The following NOX5 variants were observed in gnomAD, a reference collection of about 807,000 sequenced individuals.
NOX5 encodes the protein NADPH oxidase 5, also known as NADPH oxidase, EF-hand calcium binding domain 5.
A neutral mutation model predicts 85.7 loss-of-function variants in NOX5; 76 were observed. That is an observed-to-expected ratio of 0.89 (90% CI 0.74 to 1.07). The LOEUF is 1.07. Among genes scored for constraint, NOX5 ranks in the 50% least tolerant of loss-of-function variants. The probability of loss-of-function intolerance (pLI) is 0.00; values close to 1 mark genes in which losing one functional copy is unlikely to be tolerated. For missense variants in NOX5, 973 were observed against 999.5 expected (o/e 0.97, Z 0.36); for synonymous variants, 405 against 401.4 (o/e 1.01, Z -0.11).
rs759611687 is a variant in NOX5, at chr15:69,026,584, A to AGACC, written c.108_111dup (p.Ile38AspfsTer34). 2 of 1,614,212 alleles carry AGACC rather than the reference A, an allele frequency of 1.2e-6. No individual in the cohort carries two copies. The highest frequency in any genetic ancestry group is 1.7e-6 in the Non-Finnish European group (2 of 1,180,018). On this transcript the variant is annotated frameshift_variant, in exon 2 of 16. Coordinates refer to ENST00000388866, the MANE Select transcript of NOX5 (RefSeq NM_024505.4). LOFTEE classifies it high-confidence loss of function. ...CTCCGGTGGGTGACTCAGCAGTTTA[A>AGACC]GACCATTGCAGGAGAAGATGGGGAG...
chr15:69,047,736 AC>A, intron 12 of NOX5, 93 bp from the exon 13 acceptor site: 1 of 1,414,692 alleles, frequency 7.1e-7, no homozygotes, highest in Non-Finnish European at 9.8e-7. Flanking sequence ...GGGCTCTGCC[AC>A]CCCATCCTTG....
At position 69,042,744 on chromosome 15, in the gene NOX5, G is replaced by A. The variant is rs774373542; in HGVS notation, c.1586G>A (p.Gly529Asp). The change falls in exon 10 of 16, where the codon GGC becomes GAC. Residue 529 changes from glycine (G) to aspartate (D), a missense_variant. By Grantham distance (94) the Gly-to-Asp change is moderately conservative. Coordinates refer to ENST00000388866, the MANE Select transcript of NOX5 (RefSeq NM_024505.4). ...TCCTTCAAGGCATCAGACCCACTGG[G>A]CCGTGGTTCTAAGAGGCTGTCGAGG... Reference protein sequence around the residue: ...YESFKASDPLGRGSKRLSRSV... With the variant: ...YESFKASDPLDRGSKRLSRSV... 1.2e-5 allele frequency: 19 copies of A among 1,614,154 alleles called. No homozygotes were observed. In the South Asian group the frequency reaches 1.6e-4, roughly 14 times the overall value.
chr15:69,042,829 G>A, intron 10 of NOX5, 24 bp downstream of exon 10: 2 of 1,606,910 alleles, frequency 1.2e-6, no homozygotes, highest in Non-Finnish European at 8.5e-7. Context: ...GGAGGGAAGG[G>A]GTCCACTCTG....
In NOX5 at chr15:69,060,657, A is replaced by G. The variant is rs1425073845; in HGVS notation, c.*3961A>G. On this transcript the variant is annotated 3_prime_UTR_variant, in exon 16 of 16. Coordinates refer to ENST00000388866, the MANE Select transcript of NOX5 (RefSeq NM_024505.4). ...AAGTTTAAGTTTTTATTAATATTAT[A>G]GTTTTATTTTAAAAAGAAACCCCAA... The G allele has an allele frequency of 1.3e-5, 2 of 152,216 alleles. No homozygotes were observed. 9.4% of individuals were successfully genotyped at this position (152,216 alleles called of 1,614,324 possible). A position where few individuals can be genotyped will look rare whatever the true frequency, so the allele number is the denominator to read the frequency against.
chr15:69,041,854 A>T (rs2050597992), intron 9 of NOX5, among the ~76,000 whole-genome samples: 1 of 151,606 alleles, frequency 6.6e-6, no homozygotes, highest in Non-Finnish European at 1.5e-5. Flanking sequence ...ACATGATGAG[A>T]TTTTTTTGTT....
intron 1 of NOX5, among the ~76,000 whole-genome samples, chr15:69,017,036 A>G (rs529852261): frequency 6.6e-6 from 1 of 152,184 alleles, no homozygotes; most frequent in South Asian, 2.1e-4. Context: ...GATGAGAAAC[A>G]TTTATACTCT....
rs1384448357 is a variant in NOX5 at position 69,033,183 on chromosome 15, G to T, written c.761G>T (p.Gly254Val). 1.9e-6 allele frequency: 3 copies of T among 1,590,726 alleles called. No individual in the cohort carries two copies. The highest frequency in any genetic ancestry group is 1.3e-5 in the African/African-American group (1 of 74,698). Residue 254 changes from glycine to valine, a missense_variant, in exon 5 of 16, where the codon GGG (glycine) becomes GTG (valine). Physicochemically the swap from Gly to Val is moderately radical, Grantham distance 109 (BLOSUM62 -3). Transcript: ENST00000388866. ...TYAGLHVLLF[G>V]LAASAHRDLG... Reference sequence around the variant, plus strand: ...GCAGGCCTCCACGTGCTGCTCTTCGGGCTGGCGGCCAGCGCGCACCGGGAC... The same window carrying T: ...GCAGGCCTCCACGTGCTGCTCTTCGTGCTGGCGGCCAGCGCGCACCGGGAC...
intron 12 of NOX5, 32 bp downstream of exon 12, chr15:69,047,569 T>C: frequency 3.1e-6 from 5 of 1,602,512 alleles, no homozygotes; most frequent in Non-Finnish European, 3.4e-6. Context: ...GCCTGCATCC[T>C]GGGTCAGAGC....
intron 9 of NOX5, among the ~76,000 whole-genome samples, chr15:69,040,968 G>A (rs914412916): frequency 2.0e-5 from 3 of 152,200 alleles, no homozygotes; most frequent in South Asian, 2.1e-4. Context: ...ACAGGCATAA[G>A]CCACTGTGCC....
At position 69,035,516 on chromosome 15, in the gene NOX5, T is replaced by C. The variant is rs532609156; in HGVS notation, c.1009+9T>C. On this transcript the variant is annotated intron_variant, in intron 6 of 15. Transcript: ENST00000388866. ...TCACACTGTGAACTTTGGTGAGTGATCTGGGGCAGGGTTGGGTCGGGGAGA... is the reference window on the plus strand; with the variant it reads ...TCACACTGTGAACTTTGGTGAGTGACCTGGGGCAGGGTTGGGTCGGGGAGA... The C allele has an allele frequency of 1.2e-5, 19 of 1,613,964 alleles. No homozygotes were observed. The Admixed American group carries it at 3.0e-4, about 25-fold the overall frequency.
At chr15:69,022,518 A>G (rs2050307403) in intron 1 of NOX5, 1 of 170,312 alleles carries the variant, frequency 5.9e-6, no homozygotes, top group Admixed American at 5.9e-5. Flanking sequence ...ACCCACATGT[A>G]TTATCTGGAG....
chr15:69,015,726 T>C (rs762324762), intron 1 of NOX5, among the ~76,000 whole-genome samples: 19 of 152,156 alleles, frequency 1.2e-4, no homozygotes, highest in Non-Finnish European at 2.6e-4. Context: ...GAGTGCTCTT[T>C]TGGGCCGTGG....
At position 69,037,067 on chromosome 15, in the gene NOX5, C is replaced by T; in HGVS notation, c.1228C>T (p.Leu410Phe). The change falls in exon 8 of 16, where the codon CTT (leucine) becomes TTT (phenylalanine). Residue 410 changes from leucine (L) to phenylalanine (F), a missense_variant. Coordinates refer to ENST00000388866, the MANE Select transcript of NOX5 (RefSeq NM_024505.4). The part of the protein sequence containing the change: ...WTHLSYLLVW[L>F]LLIFHGPNFW... Reference sequence around the variant, plus strand: ...TCACCTGTCCTACCTCCTCGTGTGGCTTCTGCTCATCTTTCATGGGCCCAA... The same window carrying T: ...TCACCTGTCCTACCTCCTCGTGTGGTTTCTGCTCATCTTTCATGGGCCCAA... 1 of 1,613,874 alleles carries T rather than the reference C, an allele frequency of 6.2e-7. No individual in the cohort carries two copies. The highest frequency in any genetic ancestry group is 1.1e-5 in the South Asian group (1 of 91,066).
chr15:69,016,195 C>A (rs1411902153), intron 1 of NOX5, among the ~76,000 whole-genome samples: 1 of 152,046 alleles, frequency 6.6e-6, no homozygotes, highest in African/African-American at 2.4e-5. Flanking sequence ...GGGCCTGGAG[C>A]CCCTGCCTTG....
chr15:69,021,713 C>T (rs1469651081), intron 1 of NOX5, among the ~76,000 whole-genome samples: 1 of 152,198 alleles, frequency 6.6e-6, no homozygotes, highest in Non-Finnish European at 1.5e-5. Context: ...CAAACATTTG[C>T]ACACAGTACT....
chr15:69,025,416 G>A (rs1482566925), intron 1 of NOX5, among the ~76,000 whole-genome samples: 2 of 152,154 alleles, frequency 1.3e-5, no homozygotes, highest in Non-Finnish European at 2.9e-5. Flanking sequence ...TGTAGTACTA[G>A]ATAGATCATG....
chr15:69,055,267 G>A, intron 14 of NOX5, 67 bp from the exon 15 acceptor site: 3 of 1,526,872 alleles, frequency 2.0e-6, no homozygotes, highest in Non-Finnish European at 2.7e-6. Context: ...GGTAGTGGTT[G>A]GCATCCTGCC....
intron 10 of NOX5, among the ~76,000 whole-genome samples, chr15:69,044,541 T>C (rs1458559921): frequency 6.6e-6 from 1 of 152,144 alleles, no homozygotes; most frequent in East Asian, 1.9e-4. Context: ...CCTAAATAAA[T>C]TGCTGATCAC....
At chr15:69,023,588 G>T in intron 1 of NOX5, 1 of 204,568 alleles carries the variant, frequency 4.9e-6, no homozygotes, top group East Asian at 1.4e-4. Context: ...ATATATTAGT[G>T]GATACTACAG....
Sources: gnomAD v4.1 joint callset for allele counts (sites outside exome capture counted in the v4.1 genomes callset) on GRCh38, gnomAD v4.1.1 for gene constraint, MANE v1.5 for transcripts, NCBI Gene and HGNC (gene_info 2026-07-23, HGNC 2026-07-21) for gene names.